NPFFR2: variants seen among roughly 807,000 people sequenced by gnomAD.
NPFFR2 encodes the protein neuropeptide FF receptor 2, also known as G-protein coupled receptor 74.
Under a neutral mutation model 13.1 loss-of-function variants are expected in NPFFR2, and 15 were observed. The observed-to-expected ratio is 1.15, with a 90% CI of 0.77 to 1.76. The LOEUF is 1.76. Ranked by LOEUF, NPFFR2 falls within the 40% of genes most tolerant of loss-of-function variation. The pLI is 0.00. For missense variants in NPFFR2, 572 were observed against 503.5 expected (o/e 1.14, Z -1.30); for synonymous variants, 190 against 175.7 (o/e 1.08, Z -0.65).
rs1721167291 is a variant in NPFFR2 at position 72,099,473 on chromosome 4, C to T, written c.-7-29112C>T. On this transcript the variant is annotated intron_variant, in intron 1 of 3. Transcript: ENST00000308744. ...GGTTCTGCAGGCTGTACAAGCATTG[C>T]ACTGGCATCTGCTTGGCTTCCAGGG... Among the ~76,000 whole-genome samples the T allele has an allele frequency of 2.0e-5, 3 of 152,084 alleles. No individual in the cohort carries two copies. In the South Asian group the frequency reaches 6.2e-4, roughly 32 times the overall value.
intron 1 of NPFFR2, among the ~76,000 whole-genome samples, chr4:72,043,989 G>T (rs1719306457): frequency 6.6e-6 from 1 of 152,168 alleles, no homozygotes; most frequent in Admixed American, 6.5e-5. Flanking sequence ...GATGTGGTGG[G>T]AAGTAATTGA....
chr4:72,076,006 C>CACAGAG lies in NPFFR2; in HGVS notation c.-8+43807_-8+43808insCAGAGA, dbSNP rs746237728. Among the ~76,000 whole-genome samples the CACAGAG allele has an allele frequency of 5.4e-4, 66 of 122,826 alleles. No homozygotes were observed. The East Asian group carries it at 6.3e-3, about 12-fold the overall frequency. 80.6% of individuals were successfully genotyped at this position (122,826 alleles called of 152,430 possible). A position where few individuals can be genotyped will look rare whatever the true frequency, so the allele number is the denominator to read the frequency against. On this transcript the variant is annotated intron_variant, in intron 1 of 3. Transcript: ENST00000308744. ...ACACACACACACACACACACACACA[C>CACAGAG]AGAGAGAGAGAGAGGGCAGACAGCA...
chr4:72,079,053 A>AACACACACAC (rs59522916), intron 1 of NPFFR2, among the ~76,000 whole-genome samples: 1,717 of 139,184 alleles, frequency 0.012, 15 homozygotes, highest in Admixed American at 0.023. Context: ...CATAGAACTA[A>AACACACACAC]ACACACACAC....
intron 3 of NPFFR2, 92 bp from the exon 4 acceptor site, chr4:72,146,886 T>G: frequency 1.2e-6 from 1 of 808,988 alleles, no homozygotes; most frequent in Non-Finnish European, 2.0e-6. Context: ...GACTGTAGGG[T>G]GAGAGGCCTG....
intron 1 of NPFFR2, among the ~76,000 whole-genome samples, chr4:72,038,753 T>C (rs1222985482): frequency 6.6e-6 from 1 of 152,010 alleles, no homozygotes; most frequent in African/African-American, 2.4e-5. Flanking sequence ...AAAGTTACAT[T>C]AGCCATTCCA....
chr4:72,032,272 G>C, intron 1 of NPFFR2, 72 bp downstream of exon 1: 2 of 1,448,130 alleles, frequency 1.4e-6, no homozygotes, highest in South Asian at 1.4e-5. Context: ...CCCAACGCTT[G>C]CCTTGATGAC....
At chr4:72,107,284 A>G (rs993780075) in intron 1 of NPFFR2, among the ~76,000 whole-genome samples, 2 of 150,928 alleles carry the variant, frequency 1.3e-5, no homozygotes, top group Non-Finnish European at 3.0e-5. Context: ...AAAAGTTAGC[A>G]TAAAATTAAA....
At chr4:72,125,573 T>C (rs963584369) in intron 1 of NPFFR2, among the ~76,000 whole-genome samples, 6 of 152,200 alleles carry the variant, frequency 3.9e-5, no homozygotes, top group African/African-American at 7.2e-5. Context: ...AAAATCAAGA[T>C]ATTGGCAAGG....
Position 72,147,383 on chromosome 4 carries a change from T to C in NPFFR2, c.834T>C (p.Ile278=), listed in dbSNP as rs747605289. The C allele has an allele frequency of 9.3e-6, 15 of 1,614,154 alleles. No individual in the cohort carries two copies. The highest frequency in any genetic ancestry group is 1.6e-4 in the Middle Eastern group (1 of 6,062). Reference sequence around the variant, plus strand: ...AGAAGATCATTAAGATGCTCCTGATTGTGGCCCTGCTTTTTATTCTCTCAT... The same window carrying C: ...AGAAGATCATTAAGATGCTCCTGATCGTGGCCCTGCTTTTTATTCTCTCAT... ...KKQKIIKMLL[I]VALLFILSWL... Residue 278 remains isoleucine, a synonymous_variant, in exon 4 of 4, where the codon ATT becomes ATC. Coordinates refer to ENST00000308744, the MANE Select transcript of NPFFR2 (RefSeq NM_004885.3).
intron 2 of NPFFR2, among the ~76,000 whole-genome samples, chr4:72,137,628 G>C (rs1325868053): frequency 6.6e-6 from 1 of 152,150 alleles, no homozygotes; most frequent in African/African-American, 2.4e-5. Flanking sequence ...TATTGCATCA[G>C]AGTCAATGGT....
chr4:72,038,099 C>T (rs1185579126), intron 1 of NPFFR2, among the ~76,000 whole-genome samples: 2 of 152,152 alleles, frequency 1.3e-5, no homozygotes, highest in Non-Finnish European at 2.9e-5. Flanking sequence ...ACATGCCAAG[C>T]TCATTCTCAA....
chr4:72,084,930 C>G (rs1720724381), intron 1 of NPFFR2, among the ~76,000 whole-genome samples: 1 of 152,084 alleles, frequency 6.6e-6, no homozygotes, highest in Non-Finnish European at 1.5e-5. Flanking sequence ...CTCTTGCTTC[C>G]TGTAATTGCC....
intron 2 of NPFFR2, among the ~76,000 whole-genome samples, chr4:72,134,788 G>A (rs1722355793): frequency 6.6e-6 from 1 of 151,962 alleles, no homozygotes; most frequent in Non-Finnish European, 1.5e-5. Context: ...GGTGTTTTCT[G>A]TTCTCTTTAT....
chr4:72,058,631 T>TTC (rs1719832735), intron 1 of NPFFR2, among the ~76,000 whole-genome samples: 2 of 152,050 alleles, frequency 1.3e-5, no homozygotes, highest in South Asian at 2.1e-4. Context: ...ATAAGACAAC[T>TTC]TCTGGATTGT....
chr4:72,106,116 T>C (rs879738214), intron 1 of NPFFR2, among the ~76,000 whole-genome samples: 2 of 152,034 alleles, frequency 1.3e-5, no homozygotes, highest in Non-Finnish European at 2.9e-5. Flanking sequence ...CTTCAAATCA[T>C]GCTTTAGGAA....
intron 1 of NPFFR2, among the ~76,000 whole-genome samples, chr4:72,111,890 A>G (rs1197139997): frequency 6.6e-6 from 1 of 152,050 alleles, no homozygotes; most frequent in Admixed American, 6.6e-5. Context: ...AAATCCTGCT[A>G]GTTTCAGCTT....
intron 2 of NPFFR2, among the ~76,000 whole-genome samples, chr4:72,137,643 A>G (rs979168128): frequency 6.6e-6 from 1 of 152,126 alleles, no homozygotes; most frequent in Non-Finnish European, 1.5e-5. Context: ...AATGGTTTAG[A>G]CTCTGGAGTC....
intron 1 of NPFFR2, among the ~76,000 whole-genome samples, chr4:72,128,178 C>T (rs10034932): frequency 0.07 from 10,645 of 152,150 alleles, 1,122 homozygotes; most frequent in African/African-American, 0.23. Flanking sequence ...CTCGTATCTT[C>T]TTCAGATTAT....
chr4:72,106,890 T>C (rs1721433920), intron 1 of NPFFR2, among the ~76,000 whole-genome samples: 1 of 151,948 alleles, frequency 6.6e-6, no homozygotes, highest in South Asian at 2.1e-4. Flanking sequence ...AAATTTAGCT[T>C]CAAATATTAG....
Sources: gnomAD v4.1 joint callset for allele counts (sites outside exome capture counted in the v4.1 genomes callset) on GRCh38, gnomAD v4.1.1 for gene constraint, MANE v1.5 for transcripts, NCBI Gene and HGNC (gene_info 2026-07-23, HGNC 2026-07-21) for gene names.